Variants in MLKL observed in about 807,000 individuals in gnomAD.
The protein encoded by MLKL is mixed lineage kinase domain like pseudokinase, also known as mixed lineage kinase domain-like protein.
MLKL carries 55 observed loss-of-function variants against 56.5 expected under a neutral mutation model. The observed-to-expected ratio is 0.97, with a 90% CI of 0.78 to 1.22. The LOEUF (loss-of-function observed/expected upper bound fraction) is 1.22, where lower values mean the gene tolerates loss of function less well. Ranked by LOEUF, MLKL falls within the 50% of genes most tolerant of loss-of-function variation. The pLI is 0.00. For missense variants in MLKL, 694 were observed against 573.9 expected (o/e 1.21, Z -2.14); for synonymous variants, 251 against 208.3 (o/e 1.20, Z -1.76).
Position 74,685,540 on chromosome 16 carries a change from T to G in MLKL, c.766A>C (p.Lys256Gln). ...TFNKEIKTMK[K>Q]FESPNILRIF... ...CGCAGGATGTTGGGAGATTCGAATT[T>G]CTTCATGGTTTTGATCTCCTTATTG... The change falls in exon 5 of 11, where the codon AAA (lysine) becomes CAA (glutamine). Residue 256 changes from lysine to glutamine, a missense_variant. Physicochemically the swap from Lys to Gln is moderately conservative, Grantham distance 53. Transcript: ENST00000308807. 6.2e-7 allele frequency: 1 copy of G among 1,614,148 alleles called. No individual in the cohort carries two copies. The highest frequency in any genetic ancestry group is 1.1e-5 in the South Asian group (1 of 91,072).
At chr16:74,675,121 G>T (rs1255435853) in intron 9 of MLKL, 21 bp from the exon 10 acceptor site, 2 of 1,612,196 alleles carry the variant, frequency 1.2e-6, no homozygotes, top group South Asian at 1.1e-5. Context: ...TAGCATGAGA[G>T]CCTCAAAAAA....
intron 1 of MLKL, among the ~76,000 whole-genome samples, chr16:74,698,206 C>A (rs1026803705): frequency 6.6e-6 from 1 of 151,818 alleles, no homozygotes; most frequent in African/African-American, 2.4e-5. Flanking sequence ...GAGACAGTGT[C>A]TCAAAAACAC....
chr16:74,676,039 CAG>C, intron 7 of MLKL: 1 of 431,728 alleles, frequency 2.3e-6, no homozygotes, highest in Non-Finnish European at 4.0e-6. Context: ...TATAAAGCAC[CAG>C]TAAGACCTGC....
At chr16:74,680,177 A>C (rs569040755) in intron 6 of MLKL, among the ~76,000 whole-genome samples, 1 of 152,290 alleles carries the variant, frequency 6.6e-6, no homozygotes, top group Non-Finnish European at 1.5e-5. Flanking sequence ...GCAGCTGTGA[A>C]CTTTCAGCAG....
chr16:74,679,034 G>C (rs1158517745), intron 6 of MLKL, 54 bp from the exon 7 acceptor site: 6 of 1,428,700 alleles, frequency 4.2e-6, no homozygotes, highest in Non-Finnish European at 4.9e-6. Flanking sequence ...CTTTCTTTGG[G>C]GGACTGACAA....
chr16:74,676,372 A>G (rs1303332738), intron 7 of MLKL: 1 of 985,448 alleles, frequency 1.0e-6, no homozygotes, highest in Non-Finnish European at 1.2e-6. Context: ...CCTGCCATTG[A>G]CACCATTGGT....
rs770311254 is a variant in MLKL at position 74,675,618 on chromosome 16, T to C, written c.1185A>G (p.Ile395Met). ...VFYQYDVKSEIYSFGIVLWEI... is the reference protein window; with the variant it reads ...VFYQYDVKSEMYSFGIVLWEI... ...GTACCAGAACGTGAGTGTACCTGTATATTTCAGACTTTACATCATATTGAT... is the reference window on the plus strand; with the variant it reads ...GTACCAGAACGTGAGTGTACCTGTACATTTCAGACTTTACATCATATTGAT... Residue 395 changes from isoleucine (I) to methionine (M), a missense_variant, in exon 8 of 11, where the codon ATA becomes ATG. Ile to Met is a conservative substitution (Grantham distance 10, BLOSUM62 1). Coordinates refer to ENST00000308807, the MANE Select transcript of MLKL (RefSeq NM_152649.4). The C allele has an allele frequency of 1.2e-6, 2 of 1,613,124 alleles. No individual in the cohort carries two copies. Among genetic ancestry groups the C allele is most frequent in the East Asian group, 4.5e-5 (2 of 44,876 alleles).
intron 7 of MLKL, chr16:74,676,414 A>G: frequency 1.0e-6 from 1 of 985,500 alleles, no homozygotes. Context: ...AAACTCAGCC[A>G]GGTACCCAAA....
intron 4 of MLKL, among the ~76,000 whole-genome samples, chr16:74,688,656 G>A (rs1052437653): frequency 6.6e-6 from 1 of 152,124 alleles, no homozygotes; most frequent in African/African-American, 2.4e-5. Context: ...GGAGGTTGCA[G>A]TGACTGATAT....
intron 4 of MLKL, among the ~76,000 whole-genome samples, chr16:74,687,979 C>T (rs1960436775): frequency 6.6e-6 from 1 of 152,288 alleles, no homozygotes; most frequent in South Asian, 2.1e-4. Context: ...GTGCCCGCCA[C>T]CACACCTGGC....
In MLKL at chr16:74,675,017, G is replaced by T. The variant is rs751486602; in HGVS notation, c.1324C>A (p.Arg442=). The T allele has an allele frequency of 3.1e-6, 5 of 1,614,096 alleles. No homozygotes were observed. The highest frequency in any genetic ancestry group is 2.5e-6 in the Non-Finnish European group (3 of 1,180,024). Residue 442 remains arginine (R), a synonymous_variant, in exon 10 of 11, where the codon CGG becomes AGG. Coordinates refer to ENST00000308807, the MANE Select transcript of MLKL (RefSeq NM_152649.4). ...PLGEDCPSEL[R]EIIDECRAHD... ...GCCCGGCACTCATCAATGATCTCCC[G>T]CAGCTCTGAAGGGCAGTCTTCACCC... is the stretch of plus-strand genomic sequence containing the variant.
Position 74,676,507 on chromosome 16 carries a change from C to T in MLKL, c.1039-743G>A, listed in dbSNP as rs563370681. 7.2e-6 allele frequency: 7 copies of T among 974,514 alleles called. No homozygotes were observed. In the African/African-American group the frequency reaches 8.8e-5, roughly 12 times the overall value. 60.4% of individuals were successfully genotyped at this position (974,514 alleles called of 1,614,324 possible). ...TCATTCATTCATTCATTTGCTCACA[C>T]GTTTCCTGAGCACTGACATTCTCTT... On this transcript the variant is annotated intron_variant, in intron 7 of 10. Transcript: ENST00000308807.
rs771945719 is a variant in MLKL, at chr16:74,672,556, G to C, written c.1382-18C>G. Reference sequence around the variant, plus strand: ...TAAGATTTCTGTGGATGAATGAACAGAAAATTAGACCAGGGTAGGCAGCTG... The same window carrying C: ...TAAGATTTCTGTGGATGAATGAACACAAAATTAGACCAGGGTAGGCAGCTG... On this transcript the variant is annotated intron_variant, in intron 10 of 10. Transcript: ENST00000308807. 5 of 1,613,182 alleles carry C rather than the reference G, an allele frequency of 3.1e-6. No homozygotes were observed. In the Admixed American group the frequency reaches 5.0e-5, roughly 16 times the overall value.
intron 5 of MLKL, among the ~76,000 whole-genome samples, chr16:74,685,044 A>T (rs1481997263): frequency 1.3e-5 from 2 of 151,954 alleles, no homozygotes; most frequent in Non-Finnish European, 2.9e-5. Context: ...TTTGTATTTT[A>T]GTAGAGATGG....
chr16:74,694,977 G>A (rs1041966003), intron 2 of MLKL, among the ~76,000 whole-genome samples: 19 of 152,042 alleles, frequency 1.2e-4, no homozygotes, highest in African/African-American at 3.1e-4. Context: ...GGTTCACGCT[G>A]TTCTCCTGCC....
At chr16:74,674,934 G>T in intron 10 of MLKL, 26 bp downstream of exon 10, 1 of 1,605,300 alleles carries the variant, frequency 6.2e-7, no homozygotes, top group South Asian at 1.1e-5. Context: ...TGGGGCTCAC[G>T]CTCTTTACAC....
At chr16:74,684,813 C>G (rs1386264181) in intron 5 of MLKL, among the ~76,000 whole-genome samples, 1 of 152,000 alleles carries the variant, frequency 6.6e-6, no homozygotes, top group Non-Finnish European at 1.5e-5. Flanking sequence ...TAGATTTGTT[C>G]TATACTAATG....
At chr16:74,692,525 A>T (rs1368133668) in intron 2 of MLKL, 109 bp from the exon 3 acceptor site, 1 of 839,380 alleles carries the variant, frequency 1.2e-6, no homozygotes, top group East Asian at 2.6e-5. Flanking sequence ...TACCTATCAT[A>T]TTCATTATGG....
At chr16:74,681,064 G>T (rs551470842) in intron 6 of MLKL, among the ~76,000 whole-genome samples, 1 of 151,900 alleles carries the variant, frequency 6.6e-6, no homozygotes, top group Non-Finnish European at 1.5e-5. Flanking sequence ...TTGCTTTGTC[G>T]CCCAGCCTGG....
Sources: allele counts gnomAD v4.1 joint callset (sites outside exome capture counted in the v4.1 genomes callset), GRCh38; gene constraint gnomAD v4.1.1; transcripts MANE v1.5; gene names NCBI Gene and HGNC (gene_info 2026-07-23, HGNC 2026-07-21).